CAMTA1: variants seen among roughly 807,000 people sequenced by gnomAD.
CAMTA1 encodes calmodulin-binding transcription activator 1.
A neutral mutation model predicts 170.9 loss-of-function variants in CAMTA1; 27 were observed. The ratio of observed to expected loss-of-function variants is 0.16; its 90% CI spans 0.12 to 0.22. The LOEUF (loss-of-function observed/expected upper bound fraction) is 0.22. CAMTA1 is among the 10% of genes least tolerant of loss of function. The pLI is 1.00. For synonymous variants in CAMTA1, 833 were observed against 891.5 expected (o/e 0.93, Z 1.17); for missense variants, 1,619 against 2,217.2 (o/e 0.73, Z 5.42).
At chr1:7,703,112 G>A (rs1403575542) in intron 11 of CAMTA1, among the ~76,000 whole-genome samples, 2 of 152,190 alleles carry the variant, frequency 1.3e-5, no homozygotes, top group Non-Finnish European at 2.9e-5. Context: ...CTCACTCACT[G>A]TGTACTGCAA....
chr1:7,752,030 G>T (rs1318768762), intron 20 of CAMTA1, among the ~76,000 whole-genome samples: 1 of 152,204 alleles, frequency 6.6e-6, no homozygotes, highest in African/African-American at 2.4e-5. Flanking sequence ...TAATAAAAAT[G>T]TTGAGCCAAG....
At chr1:7,601,750 C>T (rs1413625618) in intron 6 of CAMTA1, among the ~76,000 whole-genome samples, 2 of 152,242 alleles carry the variant, frequency 1.3e-5, no homozygotes, top group African/African-American at 2.4e-5. Flanking sequence ...ACCAGCCTGG[C>T]CAACACAGCG....
Position 7,467,985 on chromosome 1 carries a change from A to G in CAMTA1, c.510+84A>G, listed in dbSNP as rs2093251879. ...GGGCACTGAGGGCGCGGGGCTCCGC[A>G]TGCGACACGGCTTCGGGCTGAGAGC... On this transcript the variant is annotated intron_variant, in intron 6 of 22. Transcript: ENST00000303635. 13 of 1,123,800 alleles carry G rather than the reference A, an allele frequency of 1.2e-5. No individual in the cohort carries two copies. The South Asian group carries it at 1.3e-4, about 11-fold the overall frequency. The allele number at this position is 1,123,800 out of a possible 1,614,324, so 69.6% of individuals were successfully genotyped here. A position where few individuals can be genotyped will look rare whatever the true frequency, so the allele number is the denominator to read the frequency against.
chr1:6,885,661 C>T (rs928839080), intron 3 of CAMTA1, among the ~76,000 whole-genome samples: 1 of 152,184 alleles, frequency 6.6e-6, no homozygotes, highest in African/African-American at 2.4e-5. Context: ...TTGGACTTGT[C>T]TCTACTAATA....
intron 6 of CAMTA1, among the ~76,000 whole-genome samples, chr1:7,541,702 C>A (rs148080675): frequency 6.6e-6 from 1 of 152,320 alleles, no homozygotes; most frequent in African/African-American, 2.4e-5. Context: ...TCCCCCAAAC[C>A]CCCACTGCAG....
At chr1:7,757,153 C>T (rs904596523) in intron 22 of CAMTA1, among the ~76,000 whole-genome samples, 4 of 152,156 alleles carry the variant, frequency 2.6e-5, no homozygotes, top group Non-Finnish European at 5.9e-5. Flanking sequence ...TCTAACTAGA[C>T]TTATGTTGGT....
At chr1:7,597,693 T>C (rs1251804464) in intron 6 of CAMTA1, among the ~76,000 whole-genome samples, 1 of 152,160 alleles carries the variant, frequency 6.6e-6, no homozygotes, top group East Asian at 1.9e-4. Context: ...AGCCATCTGC[T>C]GGTGGAATTG....
intron 6 of CAMTA1, among the ~76,000 whole-genome samples, chr1:7,472,495 A>G (rs72642862): frequency 0.088 from 13,335 of 152,082 alleles, 757 homozygotes; most frequent in Middle Eastern, 0.15. Flanking sequence ...GAAGCTCCAC[A>G]GTTGCTCAGT....
At chr1:6,917,475 G>A (rs1681059037) in intron 3 of CAMTA1, among the ~76,000 whole-genome samples, 1 of 151,816 alleles carries the variant, frequency 6.6e-6, no homozygotes, top group African/African-American at 2.4e-5. Flanking sequence ...CCAGAGTGTG[G>A]CAATGGAGCT....
chr1:7,099,224 T>C (rs1642439091), intron 4 of CAMTA1, among the ~76,000 whole-genome samples: 1 of 152,200 alleles, frequency 6.6e-6, no homozygotes, highest in Admixed American at 6.5e-5. Flanking sequence ...CTAATTTTTG[T>C]ATTTTTAGTA....
At chr1:7,747,865 A>T in intron 19 of CAMTA1, 84 bp downstream of exon 19, 1 of 758,566 alleles carries the variant, frequency 1.3e-6, no homozygotes, top group Non-Finnish European at 2.2e-6. Context: ...AGAGCACTAC[A>T]TCTAGTACCT....
intron 22 of CAMTA1, among the ~76,000 whole-genome samples, chr1:7,756,124 GT>G (rs563031574): frequency 4.3e-4 from 63 of 145,186 alleles, no homozygotes; most frequent in African/African-American, 4.8e-4. Context: ...TCGTACTAGG[GT>G]TTTTTTTTTT....
At chr1:7,042,440 G>T (rs1704615058) in intron 3 of CAMTA1, among the ~76,000 whole-genome samples, 1 of 152,210 alleles carries the variant, frequency 6.6e-6, no homozygotes, top group African/African-American at 2.4e-5. Flanking sequence ...TCCCTGTTCA[G>T]CCCTGGAGCA....
chr1:7,608,618 T>C (rs901574568), intron 6 of CAMTA1, among the ~76,000 whole-genome samples: 1 of 152,210 alleles, frequency 6.6e-6, no homozygotes. Context: ...CCCATTTGGC[T>C]TGTGTCTGTC....
At chr1:7,096,392 G>A (rs778406698) in intron 4 of CAMTA1, among the ~76,000 whole-genome samples, 6 of 151,970 alleles carry the variant, frequency 3.9e-5, no homozygotes, top group Non-Finnish European at 8.8e-5. Flanking sequence ...AGGACTCCCC[G>A]ACACCATGGT....
In CAMTA1 at chr1:7,014,047, C is replaced by A. The variant is rs776613738; in HGVS notation, c.235-77257C>A. 2.0e-5 allele frequency among the ~76,000 whole-genome samples: 3 copies of A among 152,210 alleles called. No individual in the cohort carries two copies. The highest frequency in any genetic ancestry group is 2.9e-5 in the Non-Finnish European group (2 of 68,042). The stretch of plus-strand genomic sequence containing the variant: ...AATACAGTTCTTAAAATAGACCAGT[C>A]CATGTGGGAGATAGGGAACCTGTCG... On this transcript the variant is annotated intron_variant, in intron 3 of 22. Transcript: ENST00000303635. The surrounding 1 kb of genome is among the most constrained non-coding windows in gnomAD (Gnocchi z 4.2).
chr1:7,381,630 T>A (rs1344873585), intron 5 of CAMTA1, among the ~76,000 whole-genome samples: 1 of 151,434 alleles, frequency 6.6e-6, no homozygotes, highest in South Asian at 2.1e-4. Context: ...TGCATGTGTC[T>A]TTATAGCAGC....
At chr1:7,077,576 C>T (rs974599896) in intron 3 of CAMTA1, among the ~76,000 whole-genome samples, 2 of 151,866 alleles carry the variant, frequency 1.3e-5, no homozygotes, top group African/African-American at 4.8e-5. Context: ...CTGGAGCTGT[C>T]AGCTGTGAGG....
At chr1:7,579,448 G>T (rs575168481) in intron 6 of CAMTA1, among the ~76,000 whole-genome samples, 1 of 152,192 alleles carries the variant, frequency 6.6e-6, no homozygotes, top group East Asian at 1.9e-4. Flanking sequence ...GACAGGAAAA[G>T]CTCAGAGAGT....
Sources: gnomAD v4.1 joint callset for allele counts (sites outside exome capture counted in the v4.1 genomes callset) on GRCh38, gnomAD v4.1.1 for gene constraint, Gnocchi (gnomAD v3.1) non-coding constraint, MANE v1.5 for transcripts, NCBI Gene and HGNC (gene_info 2026-07-23, HGNC 2026-07-21) for gene names.